The following KCNQ1OT1 variants were observed in gnomAD, a reference collection of about 807,000 sequenced individuals.
KCNQ1OT1 encodes the protein KCNQ1 opposite strand/antisense transcript 1, also known as KCNQ1 antisense RNA 2 (non-protein coding).
chr11:2,656,557 C>T (rs895370561), exon 1 of KCNQ1OT1: 1 of 398,692 alleles, frequency 2.5e-6, no homozygotes, highest in Non-Finnish European at 4.4e-6. Context: ...TTTCCACATG[C>T]TCATCAGCCT....
exon 1 of KCNQ1OT1, chr11:2,615,429 T>C (rs55724397): frequency 0.016 from 6,400 of 398,018 alleles, 337 homozygotes; most frequent in African/African-American, 0.12. Context: ...GTTAAAACTT[T>C]CAGTACATTG....
chr11:2,639,432 T>A (rs1201616641), exon 1 of KCNQ1OT1: 1 of 152,262 alleles, frequency 6.6e-6, no homozygotes, highest in African/African-American at 2.4e-5. Flanking sequence ...CTTCTAACAG[T>A]CAGGACCCTC....
exon 1 of KCNQ1OT1, chr11:2,680,003 C>T (rs1215852300): frequency 5.0e-6 from 2 of 396,822 alleles, no homozygotes; most frequent in East Asian, 3.6e-5. Flanking sequence ...AAGCAATTCT[C>T]CTGCCTTAGC....
At position 2,624,842 on chromosome 11, in the gene KCNQ1OT1, CTCT is replaced by C. The variant is rs1345289062; in HGVS notation, n.75150_75152del. 7.5e-6 allele frequency: 3 copies of C among 398,416 alleles called. No individual in the cohort carries two copies. The highest frequency in any genetic ancestry group is 1.3e-5 in the Non-Finnish European group (3 of 226,064). The allele number at this position is 398,416 out of a possible 1,614,324, so 24.7% of individuals were successfully genotyped here. Reference sequence around the variant, plus strand: ...ATATAAGTGGAAACATACAGTACTTCTCTTCTTGTGACTGCTGTATTTCATTTA... The same window carrying C: ...ATATAAGTGGAAACATACAGTACTTCTCTTGTGACTGCTGTATTTCATTTA... On this transcript the variant is annotated non_coding_transcript_exon_variant, in exon 1 of 1. Coordinates refer to ENST00000597346, the Ensembl canonical transcript of KCNQ1OT1. This position sits in a 1 kb window ranked among gnomAD's most constrained non-coding sequence, Gnocchi z 4.9.
chr11:2,680,796 T>C (rs934025367), exon 1 of KCNQ1OT1: 1 of 154,000 alleles, frequency 6.5e-6, no homozygotes, highest in Non-Finnish European at 1.4e-5. Context: ...TCCAAGAAAA[T>C]TATATAAATG....
chr11:2,689,748 T>A (rs1850558243), exon 1 of KCNQ1OT1: 1 of 398,540 alleles, frequency 2.5e-6, no homozygotes, highest in South Asian at 1.3e-4. Flanking sequence ...CTCATTTGTT[T>A]ACAGGAGACT....
At chr11:2,637,881 A>G (rs926633120) in exon 1 of KCNQ1OT1, 3 of 152,228 alleles carry the variant, frequency 2.0e-5, no homozygotes, top group African/African-American at 4.8e-5. Context: ...TTGGGTGCAT[A>G]TATATTTAAG....
chr11:2,661,317 G>A lies in KCNQ1OT1; in HGVS notation n.38678C>T. On this transcript the variant is annotated non_coding_transcript_exon_variant, in exon 1 of 1. Coordinates refer to ENST00000597346, the Ensembl canonical transcript of KCNQ1OT1. This position sits in a 1 kb window ranked among gnomAD's most constrained non-coding sequence, Gnocchi z 5.9. ...ATAGTGTCAACAGAGAGTGGGGAGTGATAAGGATCAGTATCCTGAGCTCCT... is the reference window on the plus strand; with the variant it reads ...ATAGTGTCAACAGAGAGTGGGGAGTAATAAGGATCAGTATCCTGAGCTCCT... 2.5e-6 allele frequency: 1 copy of A among 402,072 alleles called. No homozygotes were observed. Among genetic ancestry groups the A allele is most frequent in the East Asian group, 3.6e-5 (1 of 28,150 alleles). 24.9% of individuals were successfully genotyped at this position (402,072 alleles called of 1,614,324 possible). A position where few individuals can be genotyped will look rare whatever the true frequency, so the allele number is the denominator to read the frequency against.
At position 2,678,702 on chromosome 11, in the gene KCNQ1OT1, CTT is replaced by C. The variant is rs1223006452; in HGVS notation, n.21291_21292del. On this transcript the variant is annotated non_coding_transcript_exon_variant, in exon 1 of 1. Coordinates refer to ENST00000597346, the Ensembl canonical transcript of KCNQ1OT1. The surrounding 1 kb of genome is among the most constrained non-coding windows in gnomAD (Gnocchi z 4.9). ...TGGCATGGCCTAAGATCTAAACACTCTTAAGATTTAAACACAGGATTAGCTCT... is the reference window on the plus strand; with the variant it reads ...TGGCATGGCCTAAGATCTAAACACTCAAGATTTAAACACAGGATTAGCTCT... The C allele has an allele frequency of 2.5e-6, 1 of 398,482 alleles. No individual in the cohort carries two copies. The highest frequency in any genetic ancestry group is 4.4e-6 in the Non-Finnish European group (1 of 226,076). 24.7% of individuals were successfully genotyped at this position (398,482 alleles called of 1,614,324 possible). A position where few individuals can be genotyped will look rare whatever the true frequency, so the allele number is the denominator to read the frequency against.
Position 2,642,649 on chromosome 11 carries a change from G to A in KCNQ1OT1, n.57346C>T. 2.5e-6 allele frequency: 1 copy of A among 397,368 alleles called. No individual in the cohort carries two copies. Among genetic ancestry groups the A allele is most frequent in the Non-Finnish European group, 4.4e-6 (1 of 225,456 alleles). The allele number at this position is 397,368 out of a possible 1,614,324, so 24.6% of individuals were successfully genotyped here. A position where few individuals can be genotyped will look rare whatever the true frequency, so the allele number is the denominator to read the frequency against. ...TTCATTGATCCTTTATATTTATTTA[G>A]TTTCTTGTTTAGTTCTGCTCTGATC... On this transcript the variant is annotated non_coding_transcript_exon_variant, in exon 1 of 1. Coordinates refer to ENST00000597346, the Ensembl canonical transcript of KCNQ1OT1. The surrounding 1 kb of genome is among the most constrained non-coding windows in gnomAD (Gnocchi z 4.3).
chr11:2,613,965 A>G lies in KCNQ1OT1; in HGVS notation n.86030T>C, dbSNP rs1222779531. The G allele has an allele frequency of 2.5e-6, 1 of 398,510 alleles. No individual in the cohort carries two copies. Among genetic ancestry groups the G allele is most frequent in the South Asian group, 1.3e-4 (1 of 7,864 alleles). The allele number at this position is 398,510 out of a possible 1,614,324, so 24.7% of individuals were successfully genotyped here. The stretch of plus-strand genomic sequence containing the variant: ...TTCTCACCTAACAACATCTCCTAGA[A>G]ATCACTCAACATCCATTCACAGAGA... On this transcript the variant is annotated non_coding_transcript_exon_variant, in exon 1 of 1. Coordinates refer to ENST00000597346, the Ensembl canonical transcript of KCNQ1OT1. The surrounding 1 kb of genome is among the most constrained non-coding windows in gnomAD (Gnocchi z 4.8).
At position 2,682,937 on chromosome 11, in the gene KCNQ1OT1, G is replaced by C. The variant is rs1336671901; in HGVS notation, n.17058C>G. ...CCTGGAGAGGTGCTCAGGTCTGTGTGGAAGAAAGGACAGGAGTCCTTCTGC... is the reference window on the plus strand; with the variant it reads ...CCTGGAGAGGTGCTCAGGTCTGTGTCGAAGAAAGGACAGGAGTCCTTCTGC... On this transcript the variant is annotated non_coding_transcript_exon_variant, in exon 1 of 1. Transcript: ENST00000597346. The surrounding 1 kb of genome is among the most constrained non-coding windows in gnomAD (Gnocchi z 5.8). The C allele has an allele frequency of 5.0e-6, 2 of 398,456 alleles. No individual in the cohort carries two copies. Among genetic ancestry groups the C allele is most frequent in the African/African-American group, 2.1e-5 (1 of 48,604 alleles). The allele number at this position is 398,456 out of a possible 1,614,324, so 24.7% of individuals were successfully genotyped here. A position where few individuals can be genotyped will look rare whatever the true frequency, so the allele number is the denominator to read the frequency against.
At chr11:2,662,153 G>A (rs906180105) in exon 1 of KCNQ1OT1, 1 of 1,602,028 alleles carries the variant, frequency 6.2e-7, no homozygotes, top group Non-Finnish European at 8.5e-7. Flanking sequence ...CTTGGTGCTG[G>A]GGAAGCCTTG....
chr11:2,699,963 G>T, exon 1 of KCNQ1OT1: 1 of 398,386 alleles, frequency 2.5e-6, no homozygotes, highest in Non-Finnish European at 4.4e-6. Flanking sequence ...GCTCCCTGGA[G>T]GTCCGTGCTG....
exon 1 of KCNQ1OT1, chr11:2,672,934 C>A (rs1850213150): frequency 2.5e-6 from 1 of 398,726 alleles, no homozygotes. Flanking sequence ...GCAGGCCCAC[C>A]ACAGGTGGCA....
rs12361840 is a variant in KCNQ1OT1, at chr11:2,695,364, G to A, written n.4631C>T. On this transcript the variant is annotated non_coding_transcript_exon_variant, in exon 1 of 1. Coordinates refer to ENST00000597346, the Ensembl canonical transcript of KCNQ1OT1. This position sits in a 1 kb window ranked among gnomAD's most constrained non-coding sequence, Gnocchi z 5.2. ...TGTGTGCACTCACGAGCACTCCCTA[G>A]TACTGCGTGTCTGGGTGGTGTGTAA... 2.5e-6 allele frequency: 1 copy of A among 398,474 alleles called. No homozygotes were observed. Among genetic ancestry groups the A allele is most frequent in the Non-Finnish European group, 4.4e-6 (1 of 226,064 alleles). The allele number at this position is 398,474 out of a possible 1,614,324, so 24.7% of individuals were successfully genotyped here. A position where few individuals can be genotyped will look rare whatever the true frequency, so the allele number is the denominator to read the frequency against.
chr11:2,644,213 TG>T (rs746992827), exon 1 of KCNQ1OT1: 38 of 398,468 alleles, frequency 9.5e-5, no homozygotes, highest in Non-Finnish European at 1.5e-4. Flanking sequence ...CTTCACCTTC[TG>T]GGACACTGAA....
chr11:2,648,082 G>A (rs1849694664), exon 1 of KCNQ1OT1: 3 of 397,158 alleles, frequency 7.6e-6, no homozygotes, highest in East Asian at 3.6e-5. Context: ...GCGAGGTGTG[G>A]TGCTGCACAT....
At chr11:2,649,479 G>T in exon 1 of KCNQ1OT1, 1 of 398,448 alleles carries the variant, frequency 2.5e-6, no homozygotes, top group South Asian at 1.3e-4. Flanking sequence ...TAGTAGTAAT[G>T]AATTCCCTCA....
Sources: allele counts gnomAD v4.1 joint callset, GRCh38; gene constraint gnomAD v4.1.1; non-coding constraint Gnocchi (gnomAD v3.1); transcripts MANE v1.5; gene names NCBI Gene and HGNC (gene_info 2026-07-23, HGNC 2026-07-21).